Variants in EPN2 observed in about 807,000 individuals in gnomAD.
EPN2 encodes the protein epsin 2.
EPN2 carries 34 observed loss-of-function variants against 61.7 expected under a neutral mutation model. The ratio of observed to expected loss-of-function variants is 0.55; its 90% CI spans 0.42 to 0.73. The LOEUF is 0.73. EPN2 is among the 30% of genes least tolerant of loss of function. The pLI is 0.00. For missense variants in EPN2, 714 were observed against 839.2 expected, an observed-to-expected ratio of 0.85 and a Z score of 1.84; for synonymous variants, 349 against 353.6, an observed-to-expected ratio of 0.99 and a Z score of 0.15.
chr17:19,272,596 G>A (rs1488902053), intron 1 of EPN2, among the ~76,000 whole-genome samples: 2 of 152,064 alleles, frequency 1.3e-5, no homozygotes, highest in Non-Finnish European at 2.9e-5. Flanking sequence ...GCTACAGAGC[G>A]GTCGCAGCAT....
intron 10 of EPN2, among the ~76,000 whole-genome samples, chr17:19,333,305 G>A (rs1441460545): frequency 1.3e-5 from 2 of 152,166 alleles, no homozygotes; most frequent in African/African-American, 2.4e-5. Context: ...TGGTTCCTGG[G>A]GGCTGCAGCC....
intron 7 of EPN2, among the ~76,000 whole-genome samples, chr17:19,318,549 C>CAAAAAAAAAAAAAAAAAAA (rs58660254): frequency 0.011 from 265 of 24,772 alleles, 87 homozygotes; most frequent in Non-Finnish European, 0.019. Flanking sequence ...GACTCCATCT[C>CAAAAAAAAAAAAAAAAAAA]AAAAAAAAAA....
rs1258310201 is a variant in EPN2 at position 19,239,999 on chromosome 17, T to C, written c.-294+2468T>C. On this transcript the variant is annotated intron_variant, in intron 1 of 10. Coordinates refer to ENST00000314728, the MANE Select transcript of EPN2 (RefSeq NM_014964.5). ...TTTTCGGACTTTTTTTTTTTTTAAC[T>C]TTAATTAGGAGGAGCGGCAACTTTC... is the stretch of plus-strand genomic sequence containing the variant. 2.0e-5 allele frequency among the ~76,000 whole-genome samples: 3 copies of C among 152,208 alleles called. No homozygotes were observed. The East Asian group carries it at 5.8e-4, about 29-fold the overall frequency.
At chr17:19,249,591 G>C (rs1212902116) in intron 1 of EPN2, 2 of 152,304 alleles carry the variant, frequency 1.3e-5, no homozygotes, top group African/African-American at 2.4e-5. Flanking sequence ...GCTCCGTGCT[G>C]GGCACCCAGG....
chr17:19,286,132 G>C (rs554678256), intron 4 of EPN2, among the ~76,000 whole-genome samples: 29 of 152,316 alleles, frequency 1.9e-4, no homozygotes, highest in African/African-American at 3.8e-4. Flanking sequence ...CACCCATGGT[G>C]GTGGGTCAGA....
intron 7 of EPN2, among the ~76,000 whole-genome samples, chr17:19,314,536 C>T (rs1404853704): frequency 6.6e-6 from 1 of 152,188 alleles, no homozygotes; most frequent in South Asian, 2.1e-4. Flanking sequence ...TGCACTCAGC[C>T]TTACCAAGTG....
chr17:19,272,420 G>A (rs1438313605), intron 1 of EPN2, among the ~76,000 whole-genome samples: 1 of 152,168 alleles, frequency 6.6e-6, no homozygotes, highest in Non-Finnish European at 1.5e-5. Flanking sequence ...TTGGTGACCT[G>A]TGGCTGGGCT....
chr17:19,243,668 C>G (rs2044912162), intron 1 of EPN2, among the ~76,000 whole-genome samples: 1 of 152,132 alleles, frequency 6.6e-6, no homozygotes, highest in South Asian at 2.1e-4. Context: ...GCTGGGATTA[C>G]AGGCATGAGC....
chr17:19,293,900 C>G (rs1159230452), intron 4 of EPN2, among the ~76,000 whole-genome samples: 1 of 151,812 alleles, frequency 6.6e-6, no homozygotes, highest in Non-Finnish European at 1.5e-5. Context: ...CCAGCCTGAC[C>G]AACATGGTGA....
chr17:19,250,751 G>A (rs968892600), intron 1 of EPN2, among the ~76,000 whole-genome samples: 1 of 152,110 alleles, frequency 6.6e-6, no homozygotes, highest in African/African-American at 2.4e-5. Context: ...GGGGACACAG[G>A]GGCTTACACA....
chr17:19,260,290 G>A (rs550781218), intron 1 of EPN2, among the ~76,000 whole-genome samples: 2 of 152,340 alleles, frequency 1.3e-5, no homozygotes, highest in South Asian at 2.1e-4. Flanking sequence ...AGGGCCAGGA[G>A]GAAGGAAACC....
intron 1 of EPN2, among the ~76,000 whole-genome samples, chr17:19,255,110 A>G (rs1261870941): frequency 6.6e-6 from 1 of 152,122 alleles, no homozygotes; most frequent in African/African-American, 2.4e-5. Context: ...GCTTTGAGAG[A>G]TGCAGTAAGA....
At chr17:19,290,700 C>CAAAAAAAAAAAAAAAAAAAAA (rs757256478) in intron 4 of EPN2, among the ~76,000 whole-genome samples, 1 of 41,010 alleles carries the variant, frequency 2.4e-5, no homozygotes, top group Admixed American at 2.3e-4. Context: ...TTCCCGTTCT[C>CAAAAAAAAAAAAAAAAAAAAA]AAAAAAAAAA....
At chr17:19,301,119 A>C (rs12938803) in intron 4 of EPN2, among the ~76,000 whole-genome samples, 91,543 of 151,864 alleles carry the variant, frequency 0.6, 32,301 homozygotes, top group Non-Finnish European at 0.81. Context: ...GAGGATGGGA[A>C]GCGAGCAGGG....
chr17:19,261,394 A>G (rs573086884), intron 1 of EPN2, among the ~76,000 whole-genome samples: 24 of 152,300 alleles, frequency 1.6e-4, no homozygotes, highest in African/African-American at 5.8e-4. Flanking sequence ...TTTTCTGTGG[A>G]CAGTTCTTCG....
At position 19,301,877 on chromosome 17, in the gene EPN2, C is replaced by G. The variant is rs905074385; in HGVS notation, c.767-8008C>G. Among the ~76,000 whole-genome samples the G allele has an allele frequency of 2.0e-5, 3 of 152,366 alleles. No individual in the cohort carries two copies. In the East Asian group the frequency reaches 5.8e-4, roughly 29 times the overall value. ...ATGGGAACAGGGACTTTCCTCAGGC[C>G]TAGAGGAGGCCCTGCTTGGTGTGGG... On this transcript the variant is annotated intron_variant, in intron 4 of 10. Transcript: ENST00000314728.
At chr17:19,295,369 C>CGCAT (rs1555600599) in intron 4 of EPN2, among the ~76,000 whole-genome samples, 16 of 130,668 alleles carry the variant, frequency 1.2e-4, no homozygotes, top group East Asian at 7.4e-4. Context: ...CACACACACG[C>CGCAT]GCGTGCGCGC....
intron 1 of EPN2, among the ~76,000 whole-genome samples, chr17:19,278,796 G>A (rs1262039089): frequency 6.6e-6 from 1 of 152,166 alleles, no homozygotes; most frequent in Non-Finnish European, 1.5e-5. Flanking sequence ...TTCCAGGTGT[G>A]CACCACCATG....
intron 1 of EPN2, chr17:19,276,617 T>C (rs1377716189): frequency 6.6e-6 from 1 of 152,072 alleles, no homozygotes; most frequent in African/African-American, 2.4e-5. Context: ...ATTTCAAGTT[T>C]TGACAGAATT....
Sources: allele counts gnomAD v4.1 joint callset (sites outside exome capture counted in the v4.1 genomes callset), GRCh38; gene constraint gnomAD v4.1.1; transcripts MANE v1.5; gene names NCBI Gene and HGNC (gene_info 2026-07-23, HGNC 2026-07-21).